TCF4: variants seen among roughly 807,000 people sequenced by gnomAD.
The protein encoded by TCF4 is SL3-3 enhancer factor 2.
TCF4 carries 3 observed loss-of-function variants against 82.1 expected under a neutral mutation model. The observed-to-expected ratio is 0.04, with a 90% CI of 0.02 to 0.09. TCF4 has a LOEUF of 0.09. Among genes scored for constraint, TCF4 ranks in the 10% least tolerant of loss-of-function variants. TCF4 has a pLI of 1.00. For synonymous variants in TCF4, 276 were observed against 309.6 expected (o/e 0.89, Z 1.14); for missense variants, 518 against 852.7 (o/e 0.61, Z 4.89).
chr18:55,621,879 A>T (rs1395606830), intron 2 of TCF4, among the ~76,000 whole-genome samples: 21 of 107,562 alleles, frequency 2.0e-4, no homozygotes, highest in South Asian at 1.8e-3. Context: ...CACTATATAT[A>T]ATATATACAT....
At chr18:55,311,257 G>A (rs1322243028) in intron 8 of TCF4, among the ~76,000 whole-genome samples, 12 of 152,118 alleles carry the variant, frequency 7.9e-5, no homozygotes, top group Admixed American at 7.9e-4. Context: ...TTTAATTATG[G>A]AACTTATTAT....
At chr18:55,393,291 G>C (rs1357920801) in intron 6 of TCF4, among the ~76,000 whole-genome samples, 1 of 152,142 alleles carries the variant, frequency 6.6e-6, no homozygotes, top group Non-Finnish European at 1.5e-5. Context: ...TTGAGCCCAG[G>C]AGTTCAAGGT....
intron 4 of TCF4, 90 bp downstream of exon 4, chr18:55,463,986 G>T: frequency 1.7e-6 from 2 of 1,166,134 alleles, no homozygotes; most frequent in Non-Finnish European, 2.6e-6. Flanking sequence ...GTGAGAGAGA[G>T]AGAGAGAGAG....
chr18:55,250,502 T>A (rs1008254490), intron 15 of TCF4, among the ~76,000 whole-genome samples: 1 of 152,194 alleles, frequency 6.6e-6, no homozygotes, highest in Non-Finnish European at 1.5e-5. Flanking sequence ...AAAAAGAGCA[T>A]TGAATTTGGA....
chr18:55,230,607 C>T (rs958553062), intron 17 of TCF4: 1 of 152,142 alleles, frequency 6.6e-6, no homozygotes, highest in African/African-American at 2.4e-5. Context: ...AACAATTAAC[C>T]TAAAGGGTAA....
chr18:55,518,551 G>A (rs896150743), intron 3 of TCF4, among the ~76,000 whole-genome samples: 2 of 151,996 alleles, frequency 1.3e-5, no homozygotes, highest in African/African-American at 4.8e-5. Flanking sequence ...CACAGAAAAA[G>A]AACACAAAAG....
intron 3 of TCF4, among the ~76,000 whole-genome samples, chr18:55,556,156 AT>A (rs34112862): frequency 5.3e-5 from 8 of 151,390 alleles, no homozygotes; most frequent in African/African-American, 7.3e-5. Context: ...TTTCAGTGTG[AT>A]TTTTTTTTCA....
intron 8 of TCF4, among the ~76,000 whole-genome samples, chr18:55,326,038 C>G (rs965025253): frequency 6.6e-5 from 10 of 152,150 alleles, no homozygotes; most frequent in African/African-American, 1.7e-4. Flanking sequence ...CAGGTATTAT[C>G]ATTCCCACTT....
intron 6 of TCF4, among the ~76,000 whole-genome samples, chr18:55,388,315 C>T (rs1312863400): frequency 6.6e-6 from 1 of 152,120 alleles, no homozygotes; most frequent in African/African-American, 2.4e-5. Context: ...CTCCCCTGAG[C>T]TTCAGGGCCA....
In TCF4 at chr18:55,404,139, C is replaced by T. The variant is rs533937377; in HGVS notation, c.305-621G>A. The T allele has an allele frequency of 6.7e-5, 41 of 614,518 alleles. No individual in the cohort carries two copies. The South Asian group carries it at 1.5e-3, about 22-fold the overall frequency. 38.1% of individuals were successfully genotyped at this position (614,518 alleles called of 1,614,324 possible). On this transcript the variant is annotated intron_variant, in intron 5 of 19. Transcript: ENST00000354452. ...CCCAAGTTCAGATTCCACCAATAGACCCAGCAGGACAAGGGATCATGGAAT... is the reference window on the plus strand; with the variant it reads ...CCCAAGTTCAGATTCCACCAATAGATCCAGCAGGACAAGGGATCATGGAAT...
At chr18:55,346,399 A>G (rs921783780) in intron 8 of TCF4, among the ~76,000 whole-genome samples, 3 of 152,308 alleles carry the variant, frequency 2.0e-5, no homozygotes, top group East Asian at 3.9e-4. Flanking sequence ...GTCCCAAATT[A>G]TCTCTGACCA....
At chr18:55,362,284 C>G (rs1003389139) in intron 6 of TCF4, among the ~76,000 whole-genome samples, 1 of 149,704 alleles carries the variant, frequency 6.7e-6, no homozygotes, top group African/African-American at 2.5e-5. Flanking sequence ...CCACTGCACT[C>G]CAGCCTGGGC....
chr18:55,417,168 C>T (rs1396303208), intron 5 of TCF4, among the ~76,000 whole-genome samples: 1 of 152,236 alleles, frequency 6.6e-6, no homozygotes, highest in East Asian at 1.9e-4. Flanking sequence ...AAATGCAGTC[C>T]CTCACATTTT....
chr18:55,489,596 T>C (rs1425181005), intron 3 of TCF4, among the ~76,000 whole-genome samples: 1 of 151,892 alleles, frequency 6.6e-6, no homozygotes, highest in Non-Finnish European at 1.5e-5. Flanking sequence ...CCAAAAAAAA[T>C]AGCTGAAGAC....
At chr18:55,594,806 G>A (rs546375094) in intron 2 of TCF4, among the ~76,000 whole-genome samples, 2 of 152,190 alleles carry the variant, frequency 1.3e-5, no homozygotes, top group East Asian at 1.9e-4. Flanking sequence ...GGAGACTGAC[G>A]CAGCCGCATA....
chr18:55,623,375 A>G (rs2097723442), intron 2 of TCF4, among the ~76,000 whole-genome samples: 2 of 152,218 alleles, frequency 1.3e-5, no homozygotes, highest in South Asian at 4.1e-4. Context: ...TTATGATCGT[A>G]GTGTCTACAG....
At chr18:55,261,606 TACTC>T in intron 11 of TCF4, 73 bp from the exon 12 acceptor site, 1 of 1,520,360 alleles carries the variant, frequency 6.6e-7, no homozygotes, top group Non-Finnish European at 9.1e-7. Context: ...CTGGTCCATT[TACTC>T]ACAATTTAAT....
chr18:55,417,062 C>T (rs369473907), intron 5 of TCF4, among the ~76,000 whole-genome samples: 2 of 152,278 alleles, frequency 1.3e-5, no homozygotes, highest in East Asian at 1.9e-4. Context: ...CAGAGCAGGC[C>T]CGACGACGGA....
At chr18:55,342,068 C>T (rs978515838) in intron 8 of TCF4, among the ~76,000 whole-genome samples, 4 of 152,072 alleles carry the variant, frequency 2.6e-5, no homozygotes, top group African/African-American at 7.2e-5. Context: ...TAAGTATAAA[C>T]GGAGAAAGGA....
Sources: gnomAD v4.1 joint callset for allele counts (sites outside exome capture counted in the v4.1 genomes callset) on GRCh38, gnomAD v4.1.1 for gene constraint, MANE v1.5 for transcripts, NCBI Gene and HGNC (gene_info 2026-07-23, HGNC 2026-07-21) for gene names.